The following ENTREP2 variants were observed in gnomAD, a reference collection of about 807,000 sequenced individuals.
ENTREP2 encodes the protein protein ENTREP2.
chr15:29,656,044 C>CAA, the ENTREP2 span, among the ~76,000 whole-genome samples: 1 of 119,800 alleles, frequency 8.3e-6, no homozygotes, highest in African/African-American at 3.5e-5. Flanking sequence ...AAAAAAAAAA[C>CAA]AACTATGTAG....
At chr15:29,630,585 C>T in the ENTREP2 span, among the ~76,000 whole-genome samples, 8 of 152,188 alleles carry the variant, frequency 5.3e-5, no homozygotes, top group Non-Finnish European at 1.0e-4. Context: ...AAATTTTCTC[C>T]TATCCTGGAA....
At chr15:29,492,229 C>T in the ENTREP2 span, among the ~76,000 whole-genome samples, 11 of 152,098 alleles carry the variant, frequency 7.2e-5, no homozygotes, top group Non-Finnish European at 7.4e-5. Flanking sequence ...ATAAAACTGG[C>T]GCAGTAATAC....
chr15:29,559,264 C>T, the ENTREP2 span, among the ~76,000 whole-genome samples: 1 of 152,090 alleles, frequency 6.6e-6, no homozygotes, highest in Non-Finnish European at 1.5e-5. Context: ...CCAGAGGGGG[C>T]CCTTGGATCT....
the ENTREP2 span, among the ~76,000 whole-genome samples, chr15:29,159,896 G>T: frequency 6.6e-6 from 1 of 152,278 alleles, no homozygotes; most frequent in Non-Finnish European, 1.5e-5. Flanking sequence ...AGGTGGAGCT[G>T]CCTGCCAGTA....
chr15:29,579,298 T>C, the ENTREP2 span, among the ~76,000 whole-genome samples: 1 of 152,176 alleles, frequency 6.6e-6, no homozygotes, highest in South Asian at 2.1e-4. Context: ...ATTTTTGGTG[T>C]CGATTATGTG....
the ENTREP2 span, among the ~76,000 whole-genome samples, chr15:29,656,268 C>T: frequency 6.6e-6 from 1 of 151,844 alleles, no homozygotes; most frequent in African/African-American, 2.4e-5. Flanking sequence ...CTCTGTCACC[C>T]AAGCTGGAGT....
At chr15:29,648,061 C>T in the ENTREP2 span, among the ~76,000 whole-genome samples, 16,927 of 151,488 alleles carry the variant, frequency 0.11, 1,369 homozygotes, top group East Asian at 0.31. Flanking sequence ...ATCTAAATCA[C>T]AACAGGCCCC....
the ENTREP2 span, among the ~76,000 whole-genome samples, chr15:29,339,215 T>A: frequency 6.6e-6 from 1 of 152,172 alleles, no homozygotes; most frequent in African/African-American, 2.4e-5. Context: ...CATTCGGCTT[T>A]GATGCCATGG....
the ENTREP2 span, among the ~76,000 whole-genome samples, chr15:29,365,899 A>G: frequency 2.0e-5 from 3 of 151,776 alleles, no homozygotes; most frequent in Admixed American, 1.3e-4. Context: ...CCACCCAGCA[A>G]CCCCCCGAAT....
the ENTREP2 span, among the ~76,000 whole-genome samples, chr15:29,529,205 G>A: frequency 6.1e-4 from 1 of 1,634 alleles, no homozygotes; most frequent in Non-Finnish European, 1.6e-3. Context: ...ACATAAAGGT[G>A]GGGTTGTGAG....
At chr15:29,657,234 C>A in the ENTREP2 span, among the ~76,000 whole-genome samples, 1 of 150,818 alleles carries the variant, frequency 6.6e-6, no homozygotes, top group Non-Finnish European at 1.5e-5. Flanking sequence ...TTTCTTTTTG[C>A]ATTTTTAGTG....
chr15:29,404,224 C>CA, the ENTREP2 span, among the ~76,000 whole-genome samples: 27 of 152,218 alleles, frequency 1.8e-4, no homozygotes, highest in African/African-American at 5.3e-4. Flanking sequence ...GAAAGGGACT[C>CA]AGTCTATGCC....
the ENTREP2 span, among the ~76,000 whole-genome samples, chr15:29,264,511 C>T: frequency 2.0e-5 from 3 of 152,128 alleles, no homozygotes; most frequent in Non-Finnish European, 4.4e-5. Context: ...CTGATAGGAT[C>T]CAAAAATAAC....
At chr15:29,604,403 AG>A in the ENTREP2 span, among the ~76,000 whole-genome samples, 8 of 152,228 alleles carry the variant, frequency 5.3e-5, no homozygotes, top group Non-Finnish European at 1.0e-4. Flanking sequence ...GAAAATGAGC[AG>A]AAAAAAAGAA....
At chr15:29,132,605 T>C in the ENTREP2 span, among the ~76,000 whole-genome samples, 1 of 152,210 alleles carries the variant, frequency 6.6e-6, no homozygotes, top group Non-Finnish European at 1.5e-5. Flanking sequence ...ACTGAGAGAA[T>C]TCCCCAGAGT....
chr15:29,222,527 G>A, the ENTREP2 span, among the ~76,000 whole-genome samples: 17 of 152,104 alleles, frequency 1.1e-4, no homozygotes, highest in African/African-American at 3.6e-4. Context: ...ACCCCTTTTC[G>A]GTAACACTGT....
chr15:29,133,866 C>G, the ENTREP2 span, among the ~76,000 whole-genome samples: 1 of 152,282 alleles, frequency 6.6e-6, no homozygotes, highest in Non-Finnish European at 1.5e-5. Context: ...AGGTCAACAC[C>G]CATGCACACT....
At chr15:29,329,539 C>T in the ENTREP2 span, among the ~76,000 whole-genome samples, 1 of 152,126 alleles carries the variant, frequency 6.6e-6, no homozygotes, top group Non-Finnish European at 1.5e-5. Flanking sequence ...GCCTCTCCCC[C>T]ACCCAGTAAT....
At chr15:29,207,422 C>A in the ENTREP2 span, among the ~76,000 whole-genome samples, 1 of 135,156 alleles carries the variant, frequency 7.4e-6, no homozygotes, top group Non-Finnish European at 1.6e-5. Flanking sequence ...TCTTCCACCT[C>A]CTACGAGCGG....
Sources: allele counts gnomAD v4.1 joint callset (sites outside exome capture counted in the v4.1 genomes callset), GRCh38; gene constraint gnomAD v4.1.1; transcripts MANE v1.5; gene names NCBI Gene and HGNC (gene_info 2026-07-23, HGNC 2026-07-21).